Variants in USP6NL observed in about 807,000 individuals in gnomAD.
USP6NL encodes USP6 N-terminal-like protein.
In USP6NL, 26 loss-of-function variants were observed where a neutral mutation model predicts 61.9. The ratio of observed to expected loss-of-function variants is 0.42; its 90% CI spans 0.31 to 0.58. USP6NL has a LOEUF of 0.58. Among genes scored for constraint, USP6NL ranks in the 20% least tolerant of loss-of-function variants. The pLI, the probability that USP6NL is intolerant of heterozygous loss-of-function variation, is 0.16. For synonymous variants in USP6NL, 432 were observed against 390.1 expected, an observed-to-expected ratio of 1.11 and a Z score of -1.27; for missense variants, 1,114 against 1,034.3, an observed-to-expected ratio of 1.08 and a Z score of -1.06.
rs1832403014 is a variant in USP6NL at position 11,465,301 on chromosome 10, T to C, written c.1079-1452A>G. On this transcript the variant is annotated intron_variant, in intron 14 of 14. Transcript: ENST00000609104. This position sits in a 1 kb window ranked among gnomAD's most constrained non-coding sequence, Gnocchi z 4.5. ...AATCATCAAAACATCCTTTTCAGGT[T>C]AGCAAGAAGAAACCTGATGAAAAAC... 6.6e-6 allele frequency among the ~76,000 whole-genome samples: 1 copy of C among 152,204 alleles called. No homozygotes were observed. Among genetic ancestry groups the C allele is most frequent in the Admixed American group, 6.5e-5 (1 of 15,286 alleles).
At position 11,493,224 on chromosome 10, in the gene USP6NL, A is replaced by G. The variant is rs1475312543; in HGVS notation, c.389T>C (p.Leu130Ser). ...KEETRDLYSKLKHRARGCSPD... is the reference protein window; with the variant it reads ...KEETRDLYSKSKHRARGCSPD... ...TGAACAGCCCCGTGCTCTGTGTTTTAATTTCTGAAGAGAGAAAGAGAGAAC... is the reference window on the plus strand; with the variant it reads ...TGAACAGCCCCGTGCTCTGTGTTTTGATTTCTGAAGAGAGAAAGAGAGAAC... The change falls in exon 8 of 15, where the codon TTA (leucine) becomes TCA (serine). Residue 130 changes from leucine (L) to serine (S), a missense_variant. By Grantham distance (145) the Leu-to-Ser change is moderately radical. Coordinates refer to ENST00000609104, the MANE Select transcript of USP6NL (RefSeq NM_014688.5). 6.2e-7 allele frequency: 1 copy of G among 1,607,012 alleles called. No homozygotes were observed. The highest frequency in any genetic ancestry group is 8.5e-7 in the Non-Finnish European group (1 of 1,176,154).
Position 11,602,495 on chromosome 10 carries a change from C to T in USP6NL, c.-83-4778G>A, listed in dbSNP as rs771482197. Among the ~76,000 whole-genome samples the T allele has an allele frequency of 1.3e-5, 2 of 152,044 alleles. No individual in the cohort carries two copies. The highest frequency in any genetic ancestry group is 2.9e-5 in the Non-Finnish European group (2 of 67,984). On this transcript the variant is annotated intron_variant, in intron 1 of 14. Coordinates refer to ENST00000609104, the MANE Select transcript of USP6NL (RefSeq NM_014688.5). This position sits in a 1 kb window ranked among gnomAD's most constrained non-coding sequence, Gnocchi z 4.8. ...ATGAGCCAGGCAGTGTACTAGGCAC[C>T]GCAGACACTGCCAAGAACAAAGCCA... is the stretch of plus-strand genomic sequence containing the variant.
At chr10:11,539,343 A>G (rs1835959117) in intron 2 of USP6NL, among the ~76,000 whole-genome samples, 1 of 152,226 alleles carries the variant, frequency 6.6e-6, no homozygotes, top group Non-Finnish European at 1.5e-5. Flanking sequence ...ATCAGTCAAC[A>G]GAGGAGACAA....
At chr10:11,567,728 A>G (rs1837216877) in intron 2 of USP6NL, among the ~76,000 whole-genome samples, 1 of 152,258 alleles carries the variant, frequency 6.6e-6, no homozygotes. Flanking sequence ...AATAATAAAA[A>G]TAACAAAAAT....
In USP6NL at chr10:11,478,162, T is replaced by A. The variant is rs1833045432; in HGVS notation, c.1078+3608A>T. Among the ~76,000 whole-genome samples, 2 of 152,220 alleles carry A rather than the reference T, an allele frequency of 1.3e-5. No homozygotes were observed. The highest frequency in any genetic ancestry group is 4.1e-4 in the South Asian group (2 of 4,830). ...TTGCAATAGCAATAAAAGATACAACTATCCCCCATAGGACGTGGCACCCCT... is the reference window on the plus strand; with the variant it reads ...TTGCAATAGCAATAAAAGATACAACAATCCCCCATAGGACGTGGCACCCCT... On this transcript the variant is annotated intron_variant, in intron 14 of 14. Transcript: ENST00000609104. The surrounding 1 kb of genome is among the most constrained non-coding windows in gnomAD (Gnocchi z 6.8).
chr10:11,533,495 C>A (rs1014644737), intron 2 of USP6NL, among the ~76,000 whole-genome samples: 2 of 152,054 alleles, frequency 1.3e-5, no homozygotes, highest in Non-Finnish European at 2.9e-5. Flanking sequence ...GCAAGTGGGT[C>A]CAGTGTGGTC....
In USP6NL at chr10:11,597,688, T is replaced by C; in HGVS notation, c.-54A>G. 1 of 1,496,050 alleles carries C rather than the reference T, an allele frequency of 6.7e-7. No individual in the cohort carries two copies. 92.7% of individuals were successfully genotyped at this position (1,496,050 alleles called of 1,614,324 possible). A position where few individuals can be genotyped will look rare whatever the true frequency, so the allele number is the denominator to read the frequency against. On this transcript the variant is annotated 5_prime_UTR_variant, in exon 2 of 15. Transcript: ENST00000609104. This position sits in a 1 kb window ranked among gnomAD's most constrained non-coding sequence, Gnocchi z 4.6. ...AATCAGATATTAAACCAAAATCTGC[T>C]GTCCAAGGTTTCTCAGAGGAATACA...
At chr10:11,512,773 T>C (rs1413870841) in intron 5 of USP6NL, among the ~76,000 whole-genome samples, 1 of 152,192 alleles carries the variant, frequency 6.6e-6, no homozygotes, top group African/African-American at 2.4e-5. Context: ...CTAGGTCAAA[T>C]GTCCAACGCC....
At chr10:11,467,091 T>G (rs549783819) in intron 14 of USP6NL, among the ~76,000 whole-genome samples, 233 of 152,330 alleles carry the variant, frequency 1.5e-3, no homozygotes, top group Non-Finnish European at 3.0e-3. Context: ...CCTCCCCATG[T>G]GACGCCATCC....
intron 2 of USP6NL, among the ~76,000 whole-genome samples, chr10:11,538,288 G>C (rs971844546): frequency 1.3e-5 from 2 of 152,010 alleles, no homozygotes; most frequent in African/African-American, 2.4e-5. Flanking sequence ...AAGCTGCTTA[G>C]ATATGCTCCA....
chr10:11,605,074 G>A (rs901613793), intron 1 of USP6NL, among the ~76,000 whole-genome samples: 1 of 152,144 alleles, frequency 6.6e-6, no homozygotes, highest in Non-Finnish European at 1.5e-5. Context: ...AAAAAAAGGA[G>A]GAAGGATATC....
intron 13 of USP6NL, among the ~76,000 whole-genome samples, chr10:11,484,185 T>C (rs567219849): frequency 1.3e-5 from 2 of 152,302 alleles, no homozygotes; most frequent in African/African-American, 4.8e-5. Flanking sequence ...TAGAAGTACG[T>C]GTACGTATGA....
At chr10:11,586,141 G>A (rs1057253536) in intron 2 of USP6NL, among the ~76,000 whole-genome samples, 1 of 152,158 alleles carries the variant, frequency 6.6e-6, no homozygotes, top group African/African-American at 2.4e-5. Flanking sequence ...ACAACAGATA[G>A]CAACTATATG....
At position 11,496,617 on chromosome 10, in the gene USP6NL, T is replaced by A. The variant is rs1396056057; in HGVS notation, c.385-3389A>T. 1.3e-5 allele frequency among the ~76,000 whole-genome samples: 2 copies of A among 152,206 alleles called. No individual in the cohort carries two copies. The highest frequency in any genetic ancestry group is 3.8e-4 in the East Asian group (2 of 5,202). The stretch of plus-strand genomic sequence containing the variant: ...GATTAAAATTTAACCATGTTTAATA[T>A]AAATAAGAATTTATATACATATGTT... On this transcript the variant is annotated intron_variant, in intron 7 of 14. Transcript: ENST00000609104. This position sits in a 1 kb window ranked among gnomAD's most constrained non-coding sequence, Gnocchi z 5.4.
Position 11,485,881 on chromosome 10 carries a change from A to G in USP6NL, c.695T>C (p.Leu232Ser), listed in dbSNP as rs749021515. ...TTTTTCATGATGTTCTTGAAACCTCAAGAGTTTAGGAAAACCTTGGACAAA... is the reference window on the plus strand; with the variant it reads ...TTTTTCATGATGTTCTTGAAACCTCGAGAGTTTAGGAAAACCTTGGACAAA... ...GFFVQGFPKL[L>S]RFQEHHEKIL... is the part of the protein sequence containing the mutation. Residue 232 changes from leucine (L) to serine (S), a missense_variant, in exon 11 of 15, where the codon TTG (leucine) becomes TCG (serine). Transcript: ENST00000609104. The surrounding 1 kb of genome is among the most constrained non-coding windows in gnomAD (Gnocchi z 4.8). 6.4e-7 allele frequency: 1 copy of G among 1,554,680 alleles called. No homozygotes were observed. The highest frequency in any genetic ancestry group is 2.0e-5 in the Admixed American group (1 of 50,218).
intron 2 of USP6NL, among the ~76,000 whole-genome samples, chr10:11,569,924 T>G (rs1837298661): frequency 6.6e-6 from 1 of 152,214 alleles, no homozygotes; most frequent in African/African-American, 2.4e-5. Context: ...TCTTCATGTT[T>G]GGGCACCTGC....
At chr10:11,607,225 G>C (rs1838736384) in intron 1 of USP6NL, among the ~76,000 whole-genome samples, 1 of 152,090 alleles carries the variant, frequency 6.6e-6, no homozygotes, top group Non-Finnish European at 1.5e-5. Context: ...ATTTTAGCCT[G>C]CACATCTATT....
chr10:11,498,609 C>T (rs1834046749), intron 7 of USP6NL, among the ~76,000 whole-genome samples: 1 of 152,064 alleles, frequency 6.6e-6, no homozygotes, highest in South Asian at 2.1e-4. Flanking sequence ...CCATAGAGCA[C>T]TTAGACATAA....
In USP6NL at chr10:11,540,473, AT is replaced by A. The variant is rs898472279; in HGVS notation, c.5-12907del. Among the ~76,000 whole-genome samples the A allele has an allele frequency of 6.6e-6, 1 of 152,206 alleles. No individual in the cohort carries two copies. The highest frequency in any genetic ancestry group is 2.4e-5 in the African/African-American group (1 of 41,466). On this transcript the variant is annotated intron_variant, in intron 2 of 14. Coordinates refer to ENST00000609104, the MANE Select transcript of USP6NL (RefSeq NM_014688.5). The surrounding 1 kb of genome is among the most constrained non-coding windows in gnomAD (Gnocchi z 5.0). ...ATGACTACAGAAAGGGCTCTATTGA[AT>A]CTACTTCATTCACTTAGTTTTAAGA...
Sources: gnomAD v4.1 joint callset for allele counts (sites outside exome capture counted in the v4.1 genomes callset) on GRCh38, gnomAD v4.1.1 for gene constraint, Gnocchi (gnomAD v3.1) non-coding constraint, MANE v1.5 for transcripts, NCBI Gene and HGNC (gene_info 2026-07-23, HGNC 2026-07-21) for gene names.